The following MOCS1 variants were observed in gnomAD, a reference collection of about 807,000 sequenced individuals.
MOCS1 encodes the protein molybdenum cofactor synthesis 1, also known as molybdenum cofactor biosynthesis protein 1.
A neutral mutation model predicts 57.6 loss-of-function variants in MOCS1; 39 were observed. The ratio of observed to expected loss-of-function variants is 0.68; its 90% CI spans 0.52 to 0.88. The LOEUF (loss-of-function observed/expected upper bound fraction) is 0.88. MOCS1 is among the 40% of genes least tolerant of loss of function. MOCS1 has a pLI of 0.00. For missense variants in MOCS1, 795 were observed against 831.1 expected (o/e 0.96, Z 0.53); for synonymous variants, 334 against 335.7 (o/e 1.00, Z 0.05).
Position 39,913,352 on chromosome 6 carries a change from A to AG in MOCS1, c.721dup (p.Leu241ProfsTer12). 1 of 1,614,152 alleles carries AG rather than the reference A, an allele frequency of 6.2e-7. No individual in the cohort carries two copies. Among genetic ancestry groups the AG allele is most frequent in the Non-Finnish European group, 8.5e-7 (1 of 1,180,016 alleles). On this transcript the variant is annotated frameshift_variant, in exon 6 of 11. Transcript: ENST00000340692. LOFTEE classifies it high-confidence loss of function. ...CATATACTCTATGAAGCGCACATCCAGGGGGAGGCCCTCAGTCAAGGCCGC... is the reference window on the plus strand; with the variant it reads ...CATATACTCTATGAAGCGCACATCCAGGGGGGAGGCCCTCAGTCAAGGCCGC...
At chr6:39,907,215 T>C in intron 10 of MOCS1, 98 bp from the exon 11 acceptor site, 1 of 1,268,970 alleles carries the variant, frequency 7.9e-7, no homozygotes, top group African/African-American at 1.5e-5. Context: ...CACCTCAAGT[T>C]CTCTTTCATA....
rs11969233 is a variant in MOCS1 at position 39,907,056 on chromosome 6, C to G, written c.1212G>C (p.Pro404=). ...TGGGTCTTAGACCCTGAACATGGAGCGGGTCCCAGGAGAAAATGCTTGGAT... is the reference window on the plus strand; with the variant it reads ...TGGGTCTTAGACCCTGAACATGGAGGGGGTCCCAGGAGAAAATGCTTGGAT... ...PANPSIFSWD[P]LHVQGLRPRM... is the part of the protein sequence containing the mutation. The change falls in exon 11 of 11, where the codon CCG becomes CCC. Residue 404 remains proline (P), a synonymous_variant. Transcript: ENST00000340692. The G allele has an allele frequency of 0.019, 31,431 of 1,613,336 alleles. 624 individuals are homozygous for G. Among genetic ancestry groups the G allele is most frequent in the African/African-American group, 0.09 (6,711 of 74,944 alleles).
intron 5 of MOCS1, 140 bp downstream of exon 5, chr6:39,913,634 A>C: frequency 9.3e-7 from 1 of 1,070,480 alleles, no homozygotes; most frequent in Non-Finnish European, 1.5e-6. Flanking sequence ...ACCAGCAGGG[A>C]GAGAAGAGGT....
At chr6:39,922,524 T>C (rs1047235125) in intron 3 of MOCS1, among the ~76,000 whole-genome samples, 1 of 151,934 alleles carries the variant, frequency 6.6e-6, no homozygotes, top group Non-Finnish European at 1.5e-5. Context: ...CCATGCTCTA[T>C]GGGACAATGC....
Position 39,925,656 on chromosome 6 carries a change from C to T in MOCS1, c.418+22G>A, listed in dbSNP as rs112925821. 8.6e-4 allele frequency: 1,385 copies of T among 1,612,632 alleles called. 12 individuals carry two copies. The African/African-American group carries it at 0.015, about 18-fold the overall frequency. On this transcript the variant is annotated intron_variant, in intron 3 of 10. Transcript: ENST00000340692. ...GATGAGGCAGCGCTGGGAGAAGTGG[C>T]GATGACTTTCGTCCAACTCACCCAC...
In MOCS1 at chr6:39,904,582, TAA is replaced by T. The variant is rs147227788; in HGVS notation, c.*1773_*1774del. On this transcript the variant is annotated 3_prime_UTR_variant, in exon 11 of 11. Transcript: ENST00000340692. ...CAGCATTTCTCCCCTGTGATGGAAA[TAA>T]AGTGTTTAGGGCAGTGGGAGGAGAA... 1 of 454,088 alleles carries T rather than the reference TAA, an allele frequency of 2.2e-6. No individual in the cohort carries two copies. Among genetic ancestry groups the T allele is most frequent in the Non-Finnish European group, 4.4e-6 (1 of 226,964 alleles). The allele number at this position is 454,088 out of a possible 1,614,324, so 28.1% of individuals were successfully genotyped here.
rs114329829 is a variant in MOCS1 at position 39,926,196 on chromosome 6, G to A, written c.251-351C>T. 1.6e-3 allele frequency among the ~76,000 whole-genome samples: 237 copies of A among 152,276 alleles called. 2 individuals are homozygous for A. Among genetic ancestry groups the A allele is most frequent in the African/African-American group, 4.6e-3 (190 of 41,548 alleles). On this transcript the variant is annotated intron_variant, in intron 2 of 10. Transcript: ENST00000340692. Reference sequence around the variant, plus strand: ...GCACCTGGGCAGGGGCGTTCCTCCTGGCATTGTCACCCATCCTCCTGCATT... The same window carrying A: ...GCACCTGGGCAGGGGCGTTCCTCCTAGCATTGTCACCCATCCTCCTGCATT...
In MOCS1 at chr6:39,912,977, A is replaced by C. The variant is rs1426497294; in HGVS notation, c.785T>G (p.Val262Gly). The C allele has an allele frequency of 6.2e-7, 1 of 1,614,108 alleles. No individual in the cohort carries two copies. The highest frequency in any genetic ancestry group is 1.7e-5 in the Admixed American group (1 of 60,010). Reference protein sequence around the residue: ...DGNKWNFKKMVSYKEMLDTVR... With the variant: ...DGNKWNFKKMGSYKEMLDTVR... The stretch of plus-strand genomic sequence containing the variant: ...AGTGTCTAGCATCTCCTTATAGCTG[A>C]CCATCTTCTTGAAGTTCCACTTGTT... Residue 262 changes from valine to glycine, a missense_variant, in exon 7 of 11, where the codon GTC becomes GGC. Physicochemically the swap from Val to Gly is moderately radical, Grantham distance 109. This residue lies in a region of MOCS1 where 416 missense variants were observed against 392.4 expected (regional missense o/e 1.06). Coordinates refer to ENST00000340692, the MANE Select transcript of MOCS1 (RefSeq NM_001358530.2).
At chr6:39,916,490 C>T (rs1767669820) in intron 3 of MOCS1, among the ~76,000 whole-genome samples, 1 of 152,202 alleles carries the variant, frequency 6.6e-6, no homozygotes, top group African/African-American at 2.4e-5. Flanking sequence ...TGAAGCCTCA[C>T]AATAACAATT....
chr6:39,921,393 C>T (rs900576811), intron 3 of MOCS1, among the ~76,000 whole-genome samples: 4 of 119,344 alleles, frequency 3.4e-5, no homozygotes, highest in Admixed American at 8.7e-5. Flanking sequence ...AGCAAGACTA[C>T]GTCTAAAAAA....
At chr6:39,929,962 A>AAAAAG (rs1554192264) in intron 1 of MOCS1, among the ~76,000 whole-genome samples, 60 of 136,604 alleles carry the variant, frequency 4.4e-4, no homozygotes, top group African/African-American at 1.5e-3. Flanking sequence ...AAAAAAAAAA[A>AAAAAG]TGGAATTTGG....
intron 9 of MOCS1, 75 bp downstream of exon 9, chr6:39,909,760 C>G: frequency 6.3e-7 from 1 of 1,597,328 alleles, no homozygotes; most frequent in Non-Finnish European, 8.5e-7. Flanking sequence ...TCATCTCACC[C>G]CACAACTCCA....
rs1464279824 is a variant in MOCS1 at position 39,906,314 on chromosome 6, C to T, written c.*43G>A. ...TCTTTCCCTCAGCCTACATTGCATC[C>T]CAGCTCCAGGCCTGGGTGGGCCATG... On this transcript the variant is annotated 3_prime_UTR_variant, in exon 11 of 11. Transcript: ENST00000340692. 1 of 1,600,900 alleles carries T rather than the reference C, an allele frequency of 6.2e-7. No homozygotes were observed. The highest frequency in any genetic ancestry group is 1.7e-5 in the Admixed American group (1 of 59,804).
rs1389409146 is a variant in MOCS1 at position 39,904,445 on chromosome 6, TG to T, written c.*1911del. ...TCCTTAATAGGTTGTTTCTTGGTCTTGCTTTCTTCATGCCCTCCCCACTGCT... is the reference window on the plus strand; with the variant it reads ...TCCTTAATAGGTTGTTTCTTGGTCTTCTTTCTTCATGCCCTCCCCACTGCT... On this transcript the variant is annotated 3_prime_UTR_variant, in exon 11 of 11. Transcript: ENST00000340692. 2 of 454,674 alleles carry T rather than the reference TG, an allele frequency of 4.4e-6. No individual in the cohort carries two copies. Among genetic ancestry groups the T allele is most frequent in the African/African-American group, 4.0e-5 (2 of 50,014 alleles). The allele number at this position is 454,674 out of a possible 1,614,324, so 28.2% of individuals were successfully genotyped here. A position where few individuals can be genotyped will look rare whatever the true frequency, so the allele number is the denominator to read the frequency against.
At chr6:39,929,430 A>G (rs981790943) in intron 1 of MOCS1, among the ~76,000 whole-genome samples, 1 of 151,980 alleles carries the variant, frequency 6.6e-6, no homozygotes, top group Admixed American at 6.6e-5. Flanking sequence ...CCTCTTTTTC[A>G]TCAACAGCTA....
chr6:39,925,682 A>C lies in MOCS1; in HGVS notation c.414T>G (p.Ile138Met), dbSNP rs774709179. 6 of 1,612,750 alleles carry C rather than the reference A, an allele frequency of 3.7e-6. No homozygotes were observed. In the East Asian group the frequency reaches 1.3e-4, roughly 36 times the overall value. The change falls in exon 3 of 11, where the codon ATT (isoleucine) becomes ATG (methionine). Residue 138 changes from isoleucine (I) to methionine (M), a missense_variant. Physicochemically the swap from Ile to Met is conservative, Grantham distance 10. Around this residue, in one of 3 missense-constraint regions of MOCS1, gnomAD observed 416 missense variants for 392.4 expected, o/e 1.06. Transcript: ENST00000340692. The part of the protein sequence containing the change: ...EPLIRPDVVD[I>M]VAQLQRLEGL... ...GATGACTTTCGTCCAACTCACCCAC[A>C]ATGTCCACCACGTCCGGCCGGATAA...
chr6:39,931,274 A>G (rs918963283), intron 1 of MOCS1, among the ~76,000 whole-genome samples: 3 of 152,164 alleles, frequency 2.0e-5, no homozygotes, highest in Non-Finnish European at 4.4e-5. Context: ...GCCCTCCTCT[A>G]CTAGTCACTC....
Position 39,909,898 on chromosome 6 carries a change from A to G in MOCS1, c.1039T>C (p.Ser347Pro), listed in dbSNP as rs753042626. Residue 347 changes from serine (S) to proline (P), a missense_variant, in exon 9 of 11, where the codon TCT (serine) becomes CCT (proline). Physicochemically the swap from Ser to Pro is moderately conservative, Grantham distance 74. This residue lies in a region of MOCS1 where 374 missense variants were observed against 422.6 expected (regional missense o/e 0.89). Transcript: ENST00000340692. ...ATGATTCTCAGCAGCTCCTGCTCAG[A>G]GGCCCCAGCTCGCAGGTGATCCCGC... ...SLRDHLRAGA[S>P]EQELLRIIGA... 3 of 1,613,922 alleles carry G rather than the reference A, an allele frequency of 1.9e-6. No homozygotes were observed. Among genetic ancestry groups the G allele is most frequent in the Non-Finnish European group, 2.5e-6 (3 of 1,180,020 alleles).
At chr6:39,911,491 C>G (rs1018617301) in intron 8 of MOCS1, among the ~76,000 whole-genome samples, 1 of 152,246 alleles carries the variant, frequency 6.6e-6, no homozygotes, top group Non-Finnish European at 1.5e-5. Flanking sequence ...TCACACCCAG[C>G]CTGTGGCTTA....
Sources: allele counts gnomAD v4.1 joint callset (sites outside exome capture counted in the v4.1 genomes callset), GRCh38; gene constraint gnomAD v4.1.1; regional missense constraint gnomAD v4.1.1; transcripts MANE v1.5; gene names NCBI Gene and HGNC (gene_info 2026-07-23, HGNC 2026-07-21).